AHCYL2: variants seen among roughly 807,000 people sequenced by gnomAD.
The protein encoded by AHCYL2 is adenosylhomocysteinase like 2.
In AHCYL2, 28 loss-of-function variants were observed where a neutral mutation model predicts 81.4. The observed-to-expected ratio is 0.34, with a 90% CI of 0.25 to 0.47. AHCYL2 has a LOEUF of 0.47. Among genes scored for constraint, AHCYL2 ranks in the 20% least tolerant of loss-of-function variants. AHCYL2 has a pLI of 1.00. For missense variants in AHCYL2, 551 were observed against 785.1 expected (o/e 0.70, Z 3.56); for synonymous variants, 272 against 290.2 (o/e 0.94, Z 0.64).
Position 129,249,560 on chromosome 7 carries a change from G to A in AHCYL2, c.363+24121G>A, listed in dbSNP as rs371405913. Among the ~76,000 whole-genome samples, 22 of 152,020 alleles carry A rather than the reference G, an allele frequency of 1.4e-4. No individual in the cohort carries two copies. The East Asian group carries it at 4.3e-3, about 29-fold the overall frequency. ...CCTGCCTCAGCCTCCCGAGTAGCTGGGACTACAGGCGCCCGCCACCGCGCC... is the reference window on the plus strand; with the variant it reads ...CCTGCCTCAGCCTCCCGAGTAGCTGAGACTACAGGCGCCCGCCACCGCGCC... On this transcript the variant is annotated intron_variant, in intron 1 of 16. Coordinates refer to ENST00000325006, the MANE Select transcript of AHCYL2 (RefSeq NM_015328.4).
chr7:129,400,187 TGA>T, intron 5 of AHCYL2, 101 bp from the exon 6 acceptor site: 1 of 955,362 alleles, frequency 1.0e-6, no homozygotes, highest in Non-Finnish European at 1.6e-6. Context: ...TATAGCAGAA[TGA>T]GAGAGTTGGA....
At chr7:129,243,655 C>G (rs935697229) in intron 1 of AHCYL2, among the ~76,000 whole-genome samples, 1 of 152,112 alleles carries the variant, frequency 6.6e-6, no homozygotes, top group Non-Finnish European at 1.5e-5. Flanking sequence ...CATCTAGACT[C>G]ACTGCAAGCT....
At chr7:129,371,040 G>A (rs1794386330) in intron 1 of AHCYL2, among the ~76,000 whole-genome samples, 1 of 152,218 alleles carries the variant, frequency 6.6e-6, no homozygotes, top group Admixed American at 6.5e-5. Context: ...ACCCTCTAGT[G>A]TATTGCCGAT....
At chr7:129,242,447 G>A (rs972161569) in intron 1 of AHCYL2, among the ~76,000 whole-genome samples, 19 of 152,080 alleles carry the variant, frequency 1.2e-4, no homozygotes, top group African/African-American at 3.6e-4. Flanking sequence ...GCCGGGTGCA[G>A]TGGCTCACGC....
Position 129,426,365 on chromosome 7 carries a change from T to C in AHCYL2, c.1709-78T>C. 1 of 1,610,230 alleles carries C rather than the reference T, an allele frequency of 6.2e-7. No individual in the cohort carries two copies. The highest frequency in any genetic ancestry group is 8.5e-7 in the Non-Finnish European group (1 of 1,177,148). On this transcript the variant is annotated intron_variant, in intron 15 of 16. Transcript: ENST00000325006. The surrounding 1 kb of genome is among the most constrained non-coding windows in gnomAD (Gnocchi z 4.3). ...AATTAGAAGGTGTCTTTGAACTTTTTAAGGCCTAGCTTGGGGACAATAGCC... is the reference window on the plus strand; with the variant it reads ...AATTAGAAGGTGTCTTTGAACTTTTCAAGGCCTAGCTTGGGGACAATAGCC...
intron 1 of AHCYL2, among the ~76,000 whole-genome samples, chr7:129,239,846 A>G (rs554616834): frequency 4.0e-5 from 6 of 151,322 alleles, no homozygotes; most frequent in South Asian, 2.1e-4. Flanking sequence ...TCCCCCATAT[A>G]TACATAACAG....
intron 1 of AHCYL2, among the ~76,000 whole-genome samples, chr7:129,328,494 T>C (rs1798306516): frequency 6.8e-6 from 1 of 147,690 alleles, no homozygotes; most frequent in East Asian, 2.0e-4. Context: ...TGTTTTTTGT[T>C]TTTTTTGTGA....
chr7:129,366,928 A>G (rs949473236), intron 1 of AHCYL2, among the ~76,000 whole-genome samples: 1 of 152,222 alleles, frequency 6.6e-6, no homozygotes, highest in African/African-American at 2.4e-5. Flanking sequence ...TGAGACATCA[A>G]TCAACATATG....
chr7:129,383,843 C>CT (rs568446344), intron 2 of AHCYL2, among the ~76,000 whole-genome samples: 1 of 152,144 alleles, frequency 6.6e-6, no homozygotes, highest in Non-Finnish European at 1.5e-5. Context: ...TGCTGGCTAC[C>CT]TTACCTCCTT....
chr7:129,316,370 G>C (rs909866512), intron 1 of AHCYL2, among the ~76,000 whole-genome samples: 1 of 152,160 alleles, frequency 6.6e-6, no homozygotes, highest in African/African-American at 2.4e-5. Context: ...GAATTATTTA[G>C]CCTGGACTAC....
At position 129,289,513 on chromosome 7, in the gene AHCYL2, C is replaced by A. The variant is rs147497598; in HGVS notation, c.363+64074C>A. Among the ~76,000 whole-genome samples the A allele has an allele frequency of 8.5e-4, 129 of 152,302 alleles. No homozygotes were observed. The East Asian group carries it at 0.023, about 27-fold the overall frequency. ...ATTCTTTCATTTATTAGCTGGAATA[C>A]TTCTATAAAGAGAAACCTCCCCTTT... On this transcript the variant is annotated intron_variant, in intron 1 of 16. Coordinates refer to ENST00000325006, the MANE Select transcript of AHCYL2 (RefSeq NM_015328.4).
intron 1 of AHCYL2, among the ~76,000 whole-genome samples, chr7:129,338,266 A>G (rs1793030751): frequency 6.6e-6 from 1 of 151,810 alleles, no homozygotes; most frequent in South Asian, 2.1e-4. Context: ...CTCCTGCCTC[A>G]GCCTTCTGAG....
chr7:129,246,835 C>G (rs920471924), intron 1 of AHCYL2, among the ~76,000 whole-genome samples: 2 of 152,056 alleles, frequency 1.3e-5, no homozygotes, highest in African/African-American at 4.8e-5. Context: ...AATATGGGGT[C>G]TTTTGTGTGT....
At chr7:129,254,289 T>A (rs1397182314) in intron 1 of AHCYL2, among the ~76,000 whole-genome samples, 1 of 152,174 alleles carries the variant, frequency 6.6e-6, no homozygotes, top group Non-Finnish European at 1.5e-5. Flanking sequence ...GCACCATTAA[T>A]GGACAGAAAG....
At chr7:129,395,224 CAT>C (rs1367635853) in intron 4 of AHCYL2, among the ~76,000 whole-genome samples, 5 of 152,242 alleles carry the variant, frequency 3.3e-5, no homozygotes, top group African/African-American at 9.6e-5. Context: ...TACTTCTGCA[CAT>C]GTGTGCCACA....
chr7:129,408,465 G>T (rs1231844348), intron 10 of AHCYL2, among the ~76,000 whole-genome samples: 1 of 152,190 alleles, frequency 6.6e-6, no homozygotes, highest in Non-Finnish European at 1.5e-5. Context: ...CATTCAGTTG[G>T]ATGAACAGTG....
At chr7:129,355,480 C>T (rs997764256) in intron 1 of AHCYL2, among the ~76,000 whole-genome samples, 2 of 152,194 alleles carry the variant, frequency 1.3e-5, no homozygotes, top group Non-Finnish European at 2.9e-5. Context: ...CTGAGAATCA[C>T]ATGCACCTAA....
chr7:129,321,744 T>TTTTTTTTTTTTTTTTTTTG (rs1798029090), intron 1 of AHCYL2, among the ~76,000 whole-genome samples: 1 of 29,462 alleles, frequency 3.4e-5, no homozygotes, highest in African/African-American at 1.4e-4. Flanking sequence ...TCTTTCTTTG[T>TTTTTTTTTTTTTTTTTTTG]TTTTTTTTTT....
Position 129,368,371 on chromosome 7 carries a change from C to G in AHCYL2, c.364-11267C>G. ...GCTGTGAAAAGGGATGCAGCTTCTG[C>G]TAGCCACTGTGAACTTCTGAATCTC... On this transcript the variant is annotated intron_variant, in intron 1 of 16. Transcript: ENST00000325006. The surrounding 1 kb of genome is among the most constrained non-coding windows in gnomAD (Gnocchi z 4.4). The G allele has an allele frequency of 6.5e-7, 1 of 1,531,662 alleles. No individual in the cohort carries two copies. Among genetic ancestry groups the G allele is most frequent in the Non-Finnish European group, 8.8e-7 (1 of 1,140,124 alleles). 94.9% of individuals were successfully genotyped at this position (1,531,662 alleles called of 1,614,324 possible).
Sources: gnomAD v4.1 joint callset for allele counts (sites outside exome capture counted in the v4.1 genomes callset) on GRCh38, gnomAD v4.1.1 for gene constraint, Gnocchi (gnomAD v3.1) non-coding constraint, MANE v1.5 for transcripts, NCBI Gene and HGNC (gene_info 2026-07-23, HGNC 2026-07-21) for gene names.